FGF20: variants seen among roughly 807,000 people sequenced by gnomAD.
The protein encoded by FGF20 is fibroblast growth factor 20.
In FGF20, 8 loss-of-function variants were observed where a neutral mutation model predicts 16.7. The observed-to-expected ratio is 0.48, with a 90% CI of 0.28 to 0.87. FGF20 has a LOEUF of 0.87. Among genes scored for constraint, FGF20 ranks in the 40% least tolerant of loss-of-function variants. FGF20 has a pLI of 0.10. For missense variants in FGF20, 397 were observed against 281.4 expected (o/e 1.41, Z -2.94); for synonymous variants, 161 against 118.6 (o/e 1.36, Z -2.32).
At chr8:16,994,775 C>A (rs1222909669) in intron 2 of FGF20, among the ~76,000 whole-genome samples, 1 of 152,124 alleles carries the variant, frequency 6.6e-6, no homozygotes, top group African/African-American at 2.4e-5. Context: ...GAGACTTCAA[C>A]CTCAAGAAAA....
At position 16,993,532 on chromosome 8, in the gene FGF20, C is replaced by T. The variant is rs1721099; in HGVS notation, c.391-215G>A. Among the ~76,000 whole-genome samples the T allele has an allele frequency of 0.96, 145,810 of 152,220 alleles. 70,144 individuals are homozygous for T. Among genetic ancestry groups the T allele is most frequent in the East Asian group, 1 (5,166 of 5,166 alleles). On this transcript the variant is annotated intron_variant, in intron 2 of 2. Coordinates refer to ENST00000180166, the MANE Select transcript of FGF20 (RefSeq NM_019851.3). Reference sequence around the variant, plus strand: ...TGTACTTTAAAGTTGCAGTCCCCACCTCTTTGGCACCACTGACCAGTTTCA... The same window carrying T: ...TGTACTTTAAAGTTGCAGTCCCCACTTCTTTGGCACCACTGACCAGTTTCA...
intron 1 of FGF20, among the ~76,000 whole-genome samples, chr8:16,999,841 A>G (rs376758496): frequency 4.6e-5 from 7 of 150,930 alleles, no homozygotes; most frequent in African/African-American, 1.7e-4. Flanking sequence ...GCCCAGCCCC[A>G]AGTTTCTTAA....
intron 1 of FGF20, 40 bp downstream of exon 1, chr8:17,001,707 G>T: frequency 6.5e-7 from 1 of 1,533,826 alleles, no homozygotes. Flanking sequence ...GAGCCGAGCT[G>T]GGGCGCAGAT....
rs1809933499 is a variant in FGF20, at chr8:16,992,377, C to A, written c.*695G>T. The A allele has an allele frequency of 1.3e-5, 2 of 152,062 alleles. No individual in the cohort carries two copies. Among genetic ancestry groups the A allele is most frequent in the African/African-American group, 4.8e-5 (2 of 41,508 alleles). The allele number at this position is 152,062 out of a possible 1,614,324, so 9.4% of individuals were successfully genotyped here. ...AGGTGGTATAATAATGTCCTCTTTA[C>A]AGAGCAAGACACCACAATAAAGTAA... On this transcript the variant is annotated 3_prime_UTR_variant, in exon 3 of 3. Coordinates refer to ENST00000180166, the MANE Select transcript of FGF20 (RefSeq NM_019851.3).
At chr8:17,001,511 G>A (rs1378888583) in intron 1 of FGF20, among the ~76,000 whole-genome samples, 1 of 152,144 alleles carries the variant, frequency 6.6e-6, no homozygotes, top group Non-Finnish European at 1.5e-5. Context: ...CCCAGCATCT[G>A]GAGCTGCTGC....
intron 2 of FGF20, 111 bp downstream of exon 2, chr8:16,995,544 G>C (rs891394456): frequency 2.1e-6 from 1 of 466,224 alleles, no homozygotes; most frequent in Admixed American, 3.9e-5. Flanking sequence ...TTCTACGTAA[G>C]TATGTTTTAT....
rs1809955799 is a variant in FGF20, at chr8:16,993,162, C to G, written c.546G>C (p.Lys182Asn). The G allele has an allele frequency of 6.2e-7, 1 of 1,613,942 alleles. No homozygotes were observed. The highest frequency in any genetic ancestry group is 1.7e-5 in the Admixed American group (1 of 59,978). The change falls in exon 3 of 3, where the codon AAG (lysine) becomes AAC (asparagine). Residue 182 changes from lysine to asparagine, a missense_variant. Physicochemically the swap from Lys to Asn is moderately conservative, Grantham distance 94. Coordinates refer to ENST00000180166, the MANE Select transcript of FGF20 (RefSeq NM_019851.3). ...AGAAATGTGTAAATTTCTGATGCCT[C>G]TTGGACCTGGCGCCATCTCTTGGAG... ...DGTPRDGARSKRHQKFTHFLP... is the reference protein window; with the variant it reads ...DGTPRDGARSNRHQKFTHFLP...
At position 16,993,119 on chromosome 8, in the gene FGF20, G is replaced by C; in HGVS notation, c.589C>G (p.Pro197Ala). The change falls in exon 3 of 3, where the codon CCA becomes GCA. Residue 197 changes from proline to alanine, a missense_variant. Transcript: ENST00000180166. ...FTHFLPRPVD[P>A]ERVPELYKDL... ...TTGTACAATTCTGGAACTCTTTCTG[G>C]ATCCACTGGTCTAGGTAAGAAATGT... 1 of 1,614,000 alleles carries C rather than the reference G, an allele frequency of 6.2e-7. No homozygotes were observed. The highest frequency in any genetic ancestry group is 8.5e-7 in the Non-Finnish European group (1 of 1,179,976).
intron 2 of FGF20, among the ~76,000 whole-genome samples, chr8:16,994,635 A>G (rs1810001714): frequency 1.3e-5 from 2 of 152,172 alleles, no homozygotes; most frequent in Admixed American, 1.3e-4. Flanking sequence ...ATCATCACCA[A>G]TTCTTCTCAG....
intron 1 of FGF20, 21 bp from the exon 2 acceptor site, chr8:16,995,779 TA>T: frequency 1.5e-6 from 2 of 1,358,682 alleles, no homozygotes; most frequent in Non-Finnish European, 2.1e-6. Flanking sequence ...AAACAATTCA[TA>T]AAAACACCAT....
At chr8:16,993,895 G>A (rs1809978840) in intron 2 of FGF20, among the ~76,000 whole-genome samples, 1 of 152,072 alleles carries the variant, frequency 6.6e-6, no homozygotes, top group Admixed American at 6.5e-5. Flanking sequence ...CTCACAGGAG[G>A]CGGAGCTTAG....
chr8:16,999,020 A>C (rs1273865868), intron 1 of FGF20, among the ~76,000 whole-genome samples: 1 of 152,218 alleles, frequency 6.6e-6, no homozygotes, highest in Non-Finnish European at 1.5e-5. Context: ...TACTAGCAAA[A>C]GAAGCCAAAC....
At chr8:16,998,292 A>T (rs1810102634) in intron 1 of FGF20, among the ~76,000 whole-genome samples, 1 of 152,206 alleles carries the variant, frequency 6.6e-6, no homozygotes, top group Non-Finnish European at 1.5e-5. Context: ...ATACATAACC[A>T]GGTATAAATA....
rs937378995 is a variant in FGF20, at chr8:17,001,607, T to G, written c.286+140A>C. The G allele has an allele frequency of 6.2e-6, 6 of 960,700 alleles. No homozygotes were observed. The African/African-American group carries it at 1.0e-4, about 16-fold the overall frequency. 59.5% of individuals were successfully genotyped at this position (960,700 alleles called of 1,614,324 possible). On this transcript the variant is annotated intron_variant, in intron 1 of 2. Transcript: ENST00000180166. ...AGCCCTTCAGCCCCAGCCTGCGTCT[T>G]GCACCGGATGGGTCCAGGGGAGCTC...
At chr8:16,998,469 A>G (rs1400950436) in intron 1 of FGF20, among the ~76,000 whole-genome samples, 1 of 152,148 alleles carries the variant, frequency 6.6e-6, no homozygotes, top group Non-Finnish European at 1.5e-5. Context: ...AGTCTTTCTT[A>G]TTTATAATAT....
chr8:16,996,157 C>T lies in FGF20; in HGVS notation c.287-399G>A, dbSNP rs909332438. 2.0e-5 allele frequency among the ~76,000 whole-genome samples: 3 copies of T among 152,152 alleles called. No individual in the cohort carries two copies. In the South Asian group the frequency reaches 6.2e-4, roughly 31 times the overall value. On this transcript the variant is annotated intron_variant, in intron 1 of 2. Coordinates refer to ENST00000180166, the MANE Select transcript of FGF20 (RefSeq NM_019851.3). ...GGGCCTGTTAACAGGAACCTCGAAC[C>T]TCTCTTGCTTTGCTTAGTTGTTTTT...
rs372062907 is a variant in FGF20 at position 17,001,814 on chromosome 8, G to A, written c.219C>T (p.Thr73=). 3.9e-6 allele frequency: 6 copies of A among 1,554,940 alleles called. No individual in the cohort carries two copies. The African/African-American group carries it at 4.2e-5, about 11-fold the overall frequency. The part of the protein sequence containing the change: ...ILRRRQLYCR[T]GFHLQILPDG... ...CGGGCAGGATCTGCAGGTGGAAGCC[G>A]GTGCGGCAATAGAGCTGCCGGCGGC... Residue 73 remains threonine, a synonymous_variant, in exon 1 of 3, where the codon ACC becomes ACT. Transcript: ENST00000180166.
At position 17,001,961 on chromosome 8, in the gene FGF20, A is replaced by T. The variant is rs1201636021; in HGVS notation, c.72T>A (p.His24Gln). 1.3e-6 allele frequency: 2 copies of T among 1,506,732 alleles called. No individual in the cohort carries two copies. Among genetic ancestry groups the T allele is most frequent in the Non-Finnish European group, 1.8e-6 (2 of 1,128,796 alleles). 93.3% of individuals were successfully genotyped at this position (1,506,732 alleles called of 1,614,324 possible). Residue 24 changes from histidine to glutamine, a missense_variant, in exon 1 of 3, where the codon CAT becomes CAA. By Grantham distance (24) the His-to-Gln change is conservative. Coordinates refer to ENST00000180166, the MANE Select transcript of FGF20 (RefSeq NM_019851.3). ...GCTCCCCGGCAGGAGGCAACAGGAA[A>T]TGCGAACCCACCTGCTGGCCCAAGC... ...LEGLGQQVGSHFLLPPAGERP... is the reference protein window; with the variant it reads ...LEGLGQQVGSQFLLPPAGERP...
intron 1 of FGF20, among the ~76,000 whole-genome samples, chr8:17,000,016 T>A (rs1237852267): frequency 6.6e-6 from 1 of 152,170 alleles, no homozygotes; most frequent in East Asian, 1.9e-4. Context: ...AGTGAAGTCA[T>A]CCTTAAAGGC....
Sources: allele counts gnomAD v4.1 joint callset (sites outside exome capture counted in the v4.1 genomes callset), GRCh38; gene constraint gnomAD v4.1.1; transcripts MANE v1.5; gene names NCBI Gene and HGNC (gene_info 2026-07-23, HGNC 2026-07-21).